The following TEX11 variants were observed in gnomAD, a reference collection of about 807,000 sequenced individuals.
The protein encoded by TEX11 is testis expressed 11.
TEX11 carries 7 observed loss-of-function variants against 84.4 expected under a neutral mutation model. The ratio of observed to expected loss-of-function variants is 0.08; its 90% CI spans 0.05 to 0.16. The LOEUF is 0.16. Among genes scored for constraint, TEX11 ranks in the 10% least tolerant of loss-of-function variants. The pLI, the probability that TEX11 is intolerant of heterozygous loss-of-function variation, is 1.00. For synonymous variants in TEX11, 264 were observed against 222.8 expected (o/e 1.18, Z -1.64); for missense variants, 551 against 660.5 (o/e 0.83, Z 1.82).
At chrX:70,852,922 C>T in intron 7 of TEX11, 112 bp downstream of exon 7, 2 of 716,188 alleles carry the variant, frequency 2.8e-6, no homozygotes, top group Non-Finnish European at 4.0e-6. Flanking sequence ...AATTAATATC[C>T]TATAAAAGGC....
At chrX:70,518,437 G>A in the TEX11 span, among the ~76,000 whole-genome samples, 4 of 112,164 alleles carry the variant, frequency 3.6e-5, no homozygotes, top group African/African-American at 1.3e-4. Context: ...GTAGTTTTGA[G>A]TGAGTTTCTT....
the TEX11 span, among the ~76,000 whole-genome samples, chrX:70,520,901 C>G: frequency 1.8e-5 from 2 of 112,127 alleles, no homozygotes; most frequent in African/African-American, 6.5e-5. Flanking sequence ...GACTGCTGTG[C>G]TAGCAGTGAG....
chrX:70,846,831 T>C (rs752511905), intron 7 of TEX11, among the ~76,000 whole-genome samples: 103 of 110,984 alleles, frequency 9.3e-4, no homozygotes, highest in Non-Finnish European at 1.8e-3. Context: ...GGCTGAGGCA[T>C]GAGAATAGCT....
chrX:70,626,546 C>A (rs72628872), intron 18 of TEX11, among the ~76,000 whole-genome samples: 1 of 111,063 alleles, frequency 9.0e-6, no homozygotes, highest in African/African-American at 3.3e-5. Context: ...GATGTTCTAC[C>A]GCATACCCAG....
Position 70,863,310 on chromosome X carries a change from C to T in TEX11, c.245-2374G>A, listed in dbSNP as rs146066324. ...CCTCCCAACAGGGGTCGAGAAAAAC[C>T]TCATACAGAAAAGCTCCAGCTGGCA... On this transcript the variant is annotated intron_variant, in intron 4 of 29. Coordinates refer to ENST00000374333, the MANE Select transcript of TEX11 (RefSeq NM_031276.3). Among the ~76,000 whole-genome samples the T allele has an allele frequency of 1.6e-3, 178 of 111,689 alleles. 8 individuals carry two copies. The East Asian group carries it at 0.049, about 30-fold the overall frequency.
chrX:70,673,853 A>G (rs912292170), intron 15 of TEX11, among the ~76,000 whole-genome samples: 6 of 111,835 alleles, frequency 5.4e-5, no homozygotes, highest in Non-Finnish European at 9.4e-5. Flanking sequence ...GAATAGGGTA[A>G]TTCTTTCTGT....
chrX:70,672,603 G>C (rs1166918677), intron 15 of TEX11, among the ~76,000 whole-genome samples: 2 of 111,378 alleles, frequency 1.8e-5, no homozygotes. Flanking sequence ...TGACTCATAA[G>C]TCATCTTTTT....
chrX:70,741,236 A>G (rs1246872546), intron 10 of TEX11, among the ~76,000 whole-genome samples: 1 of 111,430 alleles, frequency 9.0e-6, no homozygotes, highest in African/African-American at 3.3e-5. Context: ...GAAATACTGT[A>G]GCTATTTCAT....
chrX:70,838,838 T>A (rs1003460303), intron 7 of TEX11, among the ~76,000 whole-genome samples: 1 of 112,272 alleles, frequency 8.9e-6, no homozygotes, highest in African/African-American at 3.2e-5. Flanking sequence ...GGAGATTATA[T>A]CCCGCACATG....
intron 24 of TEX11, among the ~76,000 whole-genome samples, chrX:70,599,933 G>T (rs1449785621): frequency 9.3e-6 from 1 of 107,851 alleles, no homozygotes; most frequent in Non-Finnish European, 1.9e-5. Context: ...TGGACATTTG[G>T]GTTGGTTCCT....
At chrX:70,574,097 T>C (rs1451158292) in intron 25 of TEX11, among the ~76,000 whole-genome samples, 1 of 112,319 alleles carries the variant, frequency 8.9e-6, no homozygotes, top group African/African-American at 3.2e-5. Context: ...GTGATAAATG[T>C]TTAACTCATG....
In TEX11 at chrX:70,768,608, G is replaced by C. The variant is rs28829056; in HGVS notation, c.693-24389C>G. On this transcript the variant is annotated intron_variant, in intron 9 of 29. Coordinates refer to ENST00000374333, the MANE Select transcript of TEX11 (RefSeq NM_031276.3). ...AGAGAGAGAGGGCAAAGGGGGAAGA[G>C]CCCCTGATAAAACCATCAGATCTCA... Among the ~76,000 whole-genome samples, 99 of 111,097 alleles carry C rather than the reference G, an allele frequency of 8.9e-4. 1 individual carries two copies. The highest frequency in any genetic ancestry group is 3.2e-3 in the African/African-American group (97 of 30,558).
At chrX:70,692,264 CTT>C (rs1021564943) in intron 13 of TEX11, among the ~76,000 whole-genome samples, 1 of 111,310 alleles carries the variant, frequency 9.0e-6, no homozygotes, top group Non-Finnish European at 1.9e-5. Context: ...TGCTTTTTTT[CTT>C]TTGTTTTTTG....
At chrX:70,872,141 C>T (rs1045635997) in intron 4 of TEX11, among the ~76,000 whole-genome samples, 1 of 111,903 alleles carries the variant, frequency 8.9e-6, no homozygotes, top group African/African-American at 3.2e-5. Context: ...TAAGAATTAA[C>T]GCACTTTAAT....
chrX:70,607,066 T>C lies in TEX11; in HGVS notation c.1880-37A>G, dbSNP rs201736085. On this transcript the variant is annotated intron_variant, in intron 22 of 29. Coordinates refer to ENST00000374333, the MANE Select transcript of TEX11 (RefSeq NM_031276.3). ...CATGAAATAACATAATAATATGAAA[T>C]TATGAAAATCTACCATTTAGTCTGT... 1.4e-3 allele frequency: 1,511 copies of C among 1,065,765 alleles called. 1 individual carries two copies. The highest frequency in any genetic ancestry group is 4.7e-3 in the Middle Eastern group (18 of 3,828). The allele number at this position is 1,065,765 out of a possible 1,213,427, so 87.8% of individuals were successfully genotyped here.
rs1183805071 is a variant in TEX11 at position 70,745,780 on chromosome X, G to C, written c.693-1561C>G. On this transcript the variant is annotated intron_variant, in intron 9 of 29. Transcript: ENST00000374333. ...ATAAACATAAACTATAAATGACCCAGAACTACCAAACTGAGTTTTCAGATT... is the reference window on the plus strand; with the variant it reads ...ATAAACATAAACTATAAATGACCCACAACTACCAAACTGAGTTTTCAGATT... Among the ~76,000 whole-genome samples the C allele has an allele frequency of 2.7e-5, 3 of 111,827 alleles. No homozygotes were observed. The Admixed American group carries it at 2.9e-4, about 11-fold the overall frequency.
At chrX:70,746,944 G>C (rs746696474) in intron 9 of TEX11, among the ~76,000 whole-genome samples, 1 of 112,234 alleles carries the variant, frequency 8.9e-6, no homozygotes, top group South Asian at 3.7e-4. Context: ...GGCATAAACA[G>C]ATCTATCAGC....
chrX:70,513,883 T>C, the TEX11 span, among the ~76,000 whole-genome samples: 1 of 109,033 alleles, frequency 9.2e-6, no homozygotes, highest in Non-Finnish European at 1.9e-5. Flanking sequence ...TCTGGAATGA[T>C]ATCAGATATG....
chrX:70,738,667 C>T (rs764468543), intron 11 of TEX11, among the ~76,000 whole-genome samples: 1 of 112,060 alleles, frequency 8.9e-6, no homozygotes, highest in East Asian at 2.8e-4. Flanking sequence ...TATTGCAGCA[C>T]TATTTACAAT....
Sources: gnomAD v4.1 joint callset for allele counts (sites outside exome capture counted in the v4.1 genomes callset) on GRCh38, gnomAD v4.1.1 for gene constraint, MANE v1.5 for transcripts, NCBI Gene and HGNC (gene_info 2026-07-23, HGNC 2026-07-21) for gene names.